Variants in THSD7B observed in about 807,000 individuals in gnomAD.
THSD7B encodes the protein thrombospondin type-1 domain-containing protein 7B.
In THSD7B, 138 loss-of-function variants were observed where a neutral mutation model predicts 213.6. That is an observed-to-expected ratio of 0.65 (90% CI 0.56 to 0.74). THSD7B has a LOEUF of 0.74. Among genes scored for constraint, THSD7B ranks in the 30% least tolerant of loss-of-function variants. The pLI is 0.00. For missense variants in THSD7B, 1,931 were observed against 1,991.5 expected (o/e 0.97, Z 0.58); for synonymous variants, 742 against 687.0 (o/e 1.08, Z -1.25).
At chr2:137,012,479 A>C (rs1408859512) in intron 2 of THSD7B, among the ~76,000 whole-genome samples, 3 of 152,220 alleles carry the variant, frequency 2.0e-5, no homozygotes, top group Non-Finnish European at 4.4e-5. Flanking sequence ...GTTTCATTGC[A>C]GAAGTGAATG....
chr2:137,575,047 C>T (rs1681430512), intron 17 of THSD7B, among the ~76,000 whole-genome samples: 1 of 152,038 alleles, frequency 6.6e-6, no homozygotes, highest in South Asian at 2.1e-4. Context: ...TGGGTATTTT[C>T]TCCTCCAAAG....
At chr2:137,009,205 A>G (rs1287835883) in intron 2 of THSD7B, among the ~76,000 whole-genome samples, 1 of 152,176 alleles carries the variant, frequency 6.6e-6, no homozygotes, top group Non-Finnish European at 1.5e-5. Context: ...GTGTGTTACT[A>G]AGACATCTTA....
At chr2:137,247,750 T>G (rs545659902) in intron 10 of THSD7B, among the ~76,000 whole-genome samples, 2 of 152,136 alleles carry the variant, frequency 1.3e-5, no homozygotes, top group Admixed American at 6.5e-5. Flanking sequence ...TGGAGTTACC[T>G]CTTGAGTTTT....
intron 6 of THSD7B, among the ~76,000 whole-genome samples, chr2:137,165,606 G>T (rs1452911955): frequency 6.6e-6 from 1 of 151,974 alleles, no homozygotes; most frequent in African/African-American, 2.4e-5. Context: ...CAGAAGCTGG[G>T]GTACACAGGC....
At position 137,056,676 on chromosome 2, in the gene THSD7B, G is replaced by A. The variant is rs1687169157; in HGVS notation, c.396G>A (p.Val132=). The A allele has an allele frequency of 6.2e-7, 1 of 1,613,902 alleles. No homozygotes were observed. The highest frequency in any genetic ancestry group is 8.5e-7 in the Non-Finnish European group (1 of 1,179,910). ...GEVKPRTAEC[V]TAQHGLQHRM... ...TCAAGCCTCGGACTGCAGAGTGTGT[G>A]ACGGCTCAGCATGGACTGCAGCACC... The change falls in exon 3 of 28, where the codon GTG becomes GTA. Residue 132 remains valine (V), a synonymous_variant. Transcript: ENST00000409968.
intron 15 of THSD7B, among the ~76,000 whole-genome samples, chr2:137,492,425 A>G (rs1679433116): frequency 6.6e-6 from 1 of 152,068 alleles, no homozygotes; most frequent in African/African-American, 2.4e-5. Flanking sequence ...AACTATACCA[A>G]CTCTAGAGAA....
At chr2:137,318,309 C>T (rs1374394375) in intron 12 of THSD7B, among the ~76,000 whole-genome samples, 1 of 152,146 alleles carries the variant, frequency 6.6e-6, no homozygotes, top group African/African-American at 2.4e-5. Flanking sequence ...GGTTTAACAA[C>T]CACAGGATGA....
chr2:137,585,785 C>T (rs548390313), intron 17 of THSD7B, among the ~76,000 whole-genome samples: 123 of 152,090 alleles, frequency 8.1e-4, no homozygotes, highest in African/African-American at 2.2e-3. Context: ...GGAATAGGTG[C>T]GGTGTGGTTC....
chr2:137,453,364 C>G (rs1247742839), intron 15 of THSD7B, among the ~76,000 whole-genome samples: 1 of 115,604 alleles, frequency 8.7e-6, no homozygotes, highest in Non-Finnish European at 1.6e-5. Context: ...GAGTCTCACT[C>G]TGTCTCCCAG....
intron 2 of THSD7B, among the ~76,000 whole-genome samples, chr2:137,006,399 AATACATACATACATAC>A (rs60604756): frequency 8.5e-4 from 127 of 149,466 alleles, no homozygotes; most frequent in African/African-American, 1.7e-3. Context: ...CGTCTCAAGA[AATACATACATACATAC>A]ATACATACAT....
intron 5 of THSD7B, among the ~76,000 whole-genome samples, chr2:137,149,179 T>A (rs1679764440): frequency 6.6e-6 from 1 of 152,150 alleles, no homozygotes; most frequent in African/African-American, 2.4e-5. Context: ...CCTTGGTGTG[T>A]ATGTGGTGTT....
chr2:136,768,010 A>G (rs760348808), intron 1 of THSD7B, among the ~76,000 whole-genome samples: 1 of 152,256 alleles, frequency 6.6e-6, no homozygotes, highest in Non-Finnish European at 1.5e-5. Flanking sequence ...TACCGATCAT[A>G]TAAACAATGT....
At chr2:137,594,625 A>C (rs1302543151) in intron 17 of THSD7B, among the ~76,000 whole-genome samples, 1 of 151,942 alleles carries the variant, frequency 6.6e-6, no homozygotes, top group Non-Finnish European at 1.5e-5. Flanking sequence ...GTTGACTTAG[A>C]CTGAGTCTAA....
intron 2 of THSD7B, among the ~76,000 whole-genome samples, chr2:136,978,886 T>G (rs1202732143): frequency 6.6e-6 from 1 of 151,984 alleles, no homozygotes; most frequent in Non-Finnish European, 1.5e-5. Context: ...GTGTCAATGG[T>G]CTGTGTACTT....
chr2:137,544,347 G>A (rs1464445751), intron 15 of THSD7B, among the ~76,000 whole-genome samples: 1 of 151,718 alleles, frequency 6.6e-6, no homozygotes, highest in African/African-American at 2.4e-5. Context: ...AAAAACAAAA[G>A]GCCATAGATT....
intron 1 of THSD7B, among the ~76,000 whole-genome samples, chr2:136,787,144 T>C (rs1681871425): frequency 6.6e-6 from 1 of 152,184 alleles, no homozygotes; most frequent in South Asian, 2.1e-4. Flanking sequence ...ATTTAGAAAA[T>C]GATGGAATTC....
chr2:137,598,250 G>A (rs1682002708), intron 17 of THSD7B, among the ~76,000 whole-genome samples: 1 of 152,150 alleles, frequency 6.6e-6, no homozygotes. Context: ...TCCAGAAGTT[G>A]CCAATATGCT....
At chr2:137,506,560 C>T (rs1325042210) in intron 15 of THSD7B, among the ~76,000 whole-genome samples, 2 of 152,218 alleles carry the variant, frequency 1.3e-5, no homozygotes, top group Non-Finnish European at 2.9e-5. Flanking sequence ...TTGTGGAAAG[C>T]ACAGGGAGAT....
intron 2 of THSD7B, among the ~76,000 whole-genome samples, chr2:136,987,692 C>G (rs1028782758): frequency 6.6e-6 from 1 of 152,130 alleles, no homozygotes; most frequent in East Asian, 1.9e-4. Flanking sequence ...ATTATCCCCT[C>G]GATATTTCAT....
Sources: gnomAD v4.1 joint callset for allele counts (sites outside exome capture counted in the v4.1 genomes callset) on GRCh38, gnomAD v4.1.1 for gene constraint, MANE v1.5 for transcripts, NCBI Gene and HGNC (gene_info 2026-07-23, HGNC 2026-07-21) for gene names.